The following FOCAD variants were observed in gnomAD, a reference collection of about 807,000 sequenced individuals.
FOCAD encodes KIAA1797.
A neutral mutation model predicts 225.6 loss-of-function variants in FOCAD; 198 were observed. The observed-to-expected ratio is 0.88, with a 90% confidence interval of 0.78 to 0.99. FOCAD has a LOEUF of 0.99. Ranked by LOEUF, FOCAD falls within the 50% of genes least tolerant of loss-of-function variation. FOCAD has a pLI of 0.00. For missense variants in FOCAD, 2,713 were observed against 2,123.6 expected, an observed-to-expected ratio of 1.28 and a Z score of -5.46; for synonymous variants, 897 against 755.0, an observed-to-expected ratio of 1.19 and a Z score of -3.08.
intron 18 of FOCAD, among the ~76,000 whole-genome samples, chr9:20,872,527 C>T (rs1032179683): frequency 3.7e-5 from 5 of 134,602 alleles, no homozygotes; most frequent in Admixed American, 1.6e-4. Flanking sequence ...CTCCCCTCCT[C>T]TTCCCCTCCC....
intron 26 of FOCAD, among the ~76,000 whole-genome samples, chr9:20,926,712 GGCAGAGGTA>G (rs1834984390): frequency 6.6e-6 from 1 of 151,586 alleles, no homozygotes; most frequent in Non-Finnish European, 1.5e-5. Flanking sequence ...TAACCCGGGA[GGCAGAGGTA>G]ATGGTGAGCC....
chr9:20,876,971 G>A (rs927528054), intron 19 of FOCAD, among the ~76,000 whole-genome samples: 2 of 152,134 alleles, frequency 1.3e-5, no homozygotes, highest in Non-Finnish European at 2.9e-5. Context: ...TTAAAAAATA[G>A]TTTTGAAATA....
chr9:20,948,970 A>ACATAGCCATAGC lies in FOCAD; in HGVS notation c.3876+43_3876+54dup, dbSNP rs774898166. The ACATAGCCATAGC allele has an allele frequency of 3.2e-6, 5 of 1,557,746 alleles. No individual in the cohort carries two copies. In the Admixed American group the frequency reaches 5.0e-5, roughly 16 times the overall value. On this transcript the variant is annotated intron_variant, in intron 32 of 43. Transcript: ENST00000338382. ...TGGAGGGGAAGACATCTAAATATGT[A>ACATAGCCATAGC]CATAGCCATAGCGGGAGAAGAATAC...
intron 35 of FOCAD, among the ~76,000 whole-genome samples, chr9:20,965,894 C>A (rs913253685): frequency 7.9e-5 from 12 of 152,094 alleles, no homozygotes; most frequent in Non-Finnish European, 1.6e-4. Flanking sequence ...AATAAAAATC[C>A]ATTGCATGGG....
chr9:20,826,225 C>T (rs1384782794), intron 15 of FOCAD, among the ~76,000 whole-genome samples: 2 of 152,068 alleles, frequency 1.3e-5, no homozygotes, highest in Non-Finnish European at 2.9e-5. Context: ...GGCAGGCCCA[C>T]CCTCAAACTG....
chr9:20,656,113 C>T (rs1245008825), upstream of FOCAD, among the ~76,000 whole-genome samples: 1 of 149,732 alleles, frequency 6.7e-6, no homozygotes, highest in African/African-American at 2.5e-5. Flanking sequence ...ATCCTGAGTT[C>T]TAGTTTGATT....
chr9:20,806,777 T>C (rs1432524461), intron 11 of FOCAD, among the ~76,000 whole-genome samples: 6 of 152,214 alleles, frequency 3.9e-5, no homozygotes, highest in Admixed American at 2.0e-4. Flanking sequence ...GATGGTATGA[T>C]TATAGTGGAA....
intron 10 of FOCAD, among the ~76,000 whole-genome samples, chr9:20,785,715 T>C (rs190550187): frequency 2.0e-5 from 3 of 152,336 alleles, no homozygotes; most frequent in Admixed American, 2.0e-4. Context: ...GCTATAATCA[T>C]TCATGTATCA....
intron 15 of FOCAD, among the ~76,000 whole-genome samples, chr9:20,826,699 T>G (rs1824928172): frequency 6.6e-6 from 1 of 152,088 alleles, no homozygotes; most frequent in Non-Finnish European, 1.5e-5. Context: ...CATTTTATAT[T>G]GAAGAAACAG....
intron 4 of FOCAD, among the ~76,000 whole-genome samples, chr9:20,722,836 T>C (rs564163685): frequency 2.1e-4 from 32 of 152,326 alleles, no homozygotes; most frequent in African/African-American, 7.2e-4. Flanking sequence ...GCAGGGATGG[T>C]ATTTTTTGCC....
intron 17 of FOCAD, among the ~76,000 whole-genome samples, chr9:20,866,634 C>A (rs1448287051): frequency 1.3e-5 from 2 of 151,912 alleles, no homozygotes; most frequent in Non-Finnish European, 2.9e-5. Flanking sequence ...ATGTTTAATG[C>A]TGATAATTTT....
chr9:20,657,060 A>G (rs1821508311), upstream of FOCAD, among the ~76,000 whole-genome samples: 1 of 152,132 alleles, frequency 6.6e-6, no homozygotes, highest in Admixed American at 6.6e-5. Context: ...TGGATATGAA[A>G]TTCTGGGTTG....
intron 35 of FOCAD, among the ~76,000 whole-genome samples, chr9:20,959,487 G>C (rs1838502792): frequency 6.6e-6 from 1 of 152,034 alleles, no homozygotes; most frequent in East Asian, 1.9e-4. Context: ...TCCACAGGTT[G>C]TCTTTTCATG....
At chr9:20,925,933 T>A (rs1024250215) in intron 25 of FOCAD, among the ~76,000 whole-genome samples, 1 of 152,218 alleles carries the variant, frequency 6.6e-6, no homozygotes, top group African/African-American at 2.4e-5. Context: ...GTCATAGAAA[T>A]GAGAAATTTT....
intron 1 of FOCAD, among the ~76,000 whole-genome samples, chr9:20,714,634 GCCTTCCTTCCTTCCTTCCTT>G (rs749635014): frequency 2.7e-4 from 33 of 120,122 alleles, no homozygotes; most frequent in South Asian, 5.6e-4. Context: ...CTGCCTGCCT[GCCTTCCTTCCTTCCTTCCTT>G]CCTTCCTTCC....
At chr9:20,684,742 C>T (rs1012799360) in intron 1 of FOCAD, 18 of 152,482 alleles carry the variant, frequency 1.2e-4, no homozygotes, top group African/African-American at 4.1e-4. Flanking sequence ...CCTGCCTGGC[C>T]TGGGGTGACT....
intron 2 of FOCAD, among the ~76,000 whole-genome samples, chr9:20,674,192 A>G (rs1235760172): frequency 6.6e-6 from 1 of 152,198 alleles, no homozygotes; most frequent in African/African-American, 2.4e-5. Flanking sequence ...AGTATTAGAA[A>G]TAAATATATT....
rs1007797349 is a variant in FOCAD, at chr9:20,923,530, C to G, written c.2853-130C>G. On this transcript the variant is annotated intron_variant, in intron 24 of 43. Transcript: ENST00000338382. ...CTGTTGGCCTAACACAACAAACAGA[C>G]CTGCATTTACAAGACTCTGTGAAGG... is the stretch of plus-strand genomic sequence containing the variant. 1.4e-5 allele frequency: 9 copies of G among 627,226 alleles called. No homozygotes were observed. The African/African-American group carries it at 1.7e-4, about 12-fold the overall frequency. 38.9% of individuals were successfully genotyped at this position (627,226 alleles called of 1,614,324 possible).
chr9:20,980,901 A>G (rs930500551), intron 37 of FOCAD, among the ~76,000 whole-genome samples: 4 of 152,182 alleles, frequency 2.6e-5, no homozygotes, highest in African/African-American at 7.2e-5. Context: ...GGTCAGTTCT[A>G]CGTGCTCAGC....
Sources: allele counts gnomAD v4.1 joint callset (sites outside exome capture counted in the v4.1 genomes callset), GRCh38; gene constraint gnomAD v4.1.1; transcripts MANE v1.5; gene names NCBI Gene and HGNC (gene_info 2026-07-23, HGNC 2026-07-21).